Variants in ESRRB observed in about 807,000 individuals in gnomAD.
ESRRB encodes the protein steroid hormone receptor ERR2.
ESRRB carries 16 observed loss-of-function variants against 46.0 expected under a neutral mutation model. That is an observed-to-expected ratio of 0.35 (90% confidence interval 0.24 to 0.53). ESRRB has a LOEUF of 0.53. Ranked by LOEUF, ESRRB falls within the 20% of genes least tolerant of loss-of-function variation. The pLI, the probability that ESRRB is intolerant of heterozygous loss-of-function variation, is 0.93. For synonymous variants in ESRRB, 246 were observed against 259.6 expected, an observed-to-expected ratio of 0.95 and a Z score of 0.50; for missense variants, 488 against 607.4, an observed-to-expected ratio of 0.80 and a Z score of 2.07.
At chr14:76,348,291 G>T (rs1035537877) in intron 1 of ESRRB, among the ~76,000 whole-genome samples, 1 of 152,154 alleles carries the variant, frequency 6.6e-6, no homozygotes, top group Non-Finnish European at 1.5e-5. Context: ...CAGCCCTGTG[G>T]TGGGTGTCTG....
At chr14:76,323,543 C>T (rs1034077926) in intron 1 of ESRRB, among the ~76,000 whole-genome samples, 4 of 152,086 alleles carry the variant, frequency 2.6e-5, no homozygotes, top group South Asian at 4.1e-4. Flanking sequence ...CTCCTGGGCT[C>T]AAGCAATTCT....
chr14:76,370,578 T>C (rs1884599134), upstream of ESRRB, among the ~76,000 whole-genome samples: 1 of 152,194 alleles, frequency 6.6e-6, no homozygotes, highest in African/African-American at 2.4e-5. Flanking sequence ...CAATGCCTCT[T>C]AGCTACCAGG....
chr14:76,418,854 G>A (rs1886820353), intron 1 of ESRRB, among the ~76,000 whole-genome samples: 2 of 152,042 alleles, frequency 1.3e-5, no homozygotes, highest in Admixed American at 1.3e-4. Flanking sequence ...GGCCTCAAGT[G>A]ATCCGCCCAC....
At chr14:76,439,890 T>C in intron 2 of ESRRB, 140 bp downstream of exon 2, 1 of 920,042 alleles carries the variant, frequency 1.1e-6, no homozygotes, top group African/African-American at 1.7e-5. Flanking sequence ...GGGCGCCTTT[T>C]CCCTTGCTCA....
In ESRRB at chr14:76,499,902, A is replaced by G. The variant is rs772094589; in HGVS notation, c.*1444A>G. Reference sequence around the variant, plus strand: ...GCTTAGAGGATCTCCCAAGGATGAAAGAATGTCAAGCCATGATGGAAAATG... The same window carrying G: ...GCTTAGAGGATCTCCCAAGGATGAAGGAATGTCAAGCCATGATGGAAAATG... On this transcript the variant is annotated 3_prime_UTR_variant, in exon 7 of 7. Transcript: ENST00000644823. 3 of 1,614,212 alleles carry G rather than the reference A, an allele frequency of 1.9e-6. No homozygotes were observed. The highest frequency in any genetic ancestry group is 2.2e-5 in the South Asian group (2 of 91,074).
chr14:76,313,482 G>A (rs750052653), intron 1 of ESRRB, among the ~76,000 whole-genome samples: 3 of 151,990 alleles, frequency 2.0e-5, no homozygotes, highest in African/African-American at 2.4e-5. Context: ...TCCCCCCACC[G>A]CCCTCGAACA....
At position 76,332,662 on chromosome 14, in the gene ESRRB, TTA is replaced by T. The variant is rs1424226917; in HGVS notation, c.2+21754_2+21755del. Among the ~76,000 whole-genome samples the T allele has an allele frequency of 2.8e-4, 10 of 36,132 alleles. No homozygotes were observed. In the East Asian group the frequency reaches 6.4e-3, roughly 23 times the overall value. The allele number at this position is 36,132 out of a possible 152,430, so 23.7% of individuals were successfully genotyped here. ...TATTTATATATTATATAAATATATA[TTA>T]TATATATTTATATATTATATATTTA... is the stretch of plus-strand genomic sequence containing the variant. On this transcript the variant is annotated intron_variant, in intron 1 of 6. Transcript: ENST00000512784.
At chr14:76,440,247 A>G (rs1887864061) in intron 2 of ESRRB, among the ~76,000 whole-genome samples, 1 of 152,134 alleles carries the variant, frequency 6.6e-6, no homozygotes, top group African/African-American at 2.4e-5. Context: ...GCCAGAGGAT[A>G]GGTCAAGCCA....
chr14:76,430,574 G>T (rs921288652), intron 1 of ESRRB, among the ~76,000 whole-genome samples: 11 of 152,306 alleles, frequency 7.2e-5, no homozygotes, highest in African/African-American at 2.2e-4. Context: ...TCCACTGAGT[G>T]CCTGCTTGTC....
intron 3 of ESRRB, among the ~76,000 whole-genome samples, chr14:76,465,820 C>T (rs1053995109): frequency 4.6e-5 from 7 of 152,226 alleles, no homozygotes; most frequent in Admixed American, 2.0e-4. Context: ...GATCCAAGAG[C>T]GGGGAGATGA....
rs139685785 is a variant in ESRRB at position 76,356,396 on chromosome 14, A to G, written c.2+45480A>G. Reference sequence around the variant, plus strand: ...AGGAGGCTGGTACTCTCTCTCTCCCATTTTACAGATAAGGAGACTGCGACA... The same window carrying G: ...AGGAGGCTGGTACTCTCTCTCTCCCGTTTTACAGATAAGGAGACTGCGACA... On this transcript the variant is annotated intron_variant, in intron 1 of 6. Transcript: ENST00000512784. 2.4e-4 allele frequency among the ~76,000 whole-genome samples: 37 copies of G among 152,284 alleles called. No homozygotes were observed. In the East Asian group the frequency reaches 7.1e-3, roughly 29 times the overall value.
rs142296008 is a variant in ESRRB at position 76,399,132 on chromosome 14, G to A, written c.50+22681G>A. 6.7e-3 allele frequency among the ~76,000 whole-genome samples: 1,022 copies of A among 152,266 alleles called. 16 individuals carry two copies. The highest frequency in any genetic ancestry group is 0.023 in the African/African-American group (969 of 41,552). ...CAAACAGCAGATGTGGATGGTCTGG[G>A]AGGGAAGGTTCCTGTGGCTGTGTGA... On this transcript the variant is annotated intron_variant, in intron 1 of 6. Transcript: ENST00000644823.
At chr14:76,423,551 G>T (rs1887066202) in intron 1 of ESRRB, among the ~76,000 whole-genome samples, 1 of 152,150 alleles carries the variant, frequency 6.6e-6, no homozygotes, top group Admixed American at 6.5e-5. Flanking sequence ...GGCTCTGTGG[G>T]TTCTGCTCCT....
intron 5 of ESRRB, among the ~76,000 whole-genome samples, chr14:76,486,445 C>A (rs908805466): frequency 1.3e-5 from 2 of 152,210 alleles, no homozygotes; most frequent in Admixed American, 1.3e-4. Flanking sequence ...TCTGAAGTGG[C>A]CCCAGATCCT....
intron 5 of ESRRB, among the ~76,000 whole-genome samples, chr14:76,483,142 T>C (rs1233170724): frequency 6.6e-6 from 1 of 152,192 alleles, no homozygotes; most frequent in Non-Finnish European, 1.5e-5. Context: ...ACTGACCCTC[T>C]CTTCCTATTG....
chr14:76,321,419 G>A (rs540302186), intron 1 of ESRRB, among the ~76,000 whole-genome samples: 1 of 152,260 alleles, frequency 6.6e-6, no homozygotes, highest in African/African-American at 2.4e-5. Context: ...TCACACTGGG[G>A]TTGAACCATA....
intron 1 of ESRRB, among the ~76,000 whole-genome samples, chr14:76,351,906 G>A (rs113617822): frequency 0.015 from 2,263 of 149,580 alleles, 52 homozygotes; most frequent in African/African-American, 0.053. Flanking sequence ...GATCACTGGG[G>A]CCCAGGAGTT....
intron 5 of ESRRB, among the ~76,000 whole-genome samples, chr14:76,484,356 C>T (rs994424588): frequency 4.6e-5 from 7 of 152,084 alleles, no homozygotes; most frequent in African/African-American, 1.7e-4. Context: ...TACTAAGGAG[C>T]TCAACCTCTC....
rs74760195 is a variant in ESRRB, at chr14:76,398,080, C to T, written c.50+21629C>T. Reference sequence around the variant, plus strand: ...TTTAAACATGGGGCAGTGCCTCCTACGCCAGCTTGTGCTTTGTTGGAAAAT... The same window carrying T: ...TTTAAACATGGGGCAGTGCCTCCTATGCCAGCTTGTGCTTTGTTGGAAAAT... On this transcript the variant is annotated intron_variant, in intron 1 of 6. Coordinates refer to ENST00000644823, the MANE Select transcript of ESRRB (RefSeq NM_001379180.1). 3.8e-3 allele frequency among the ~76,000 whole-genome samples: 577 copies of T among 152,340 alleles called. 1 individual carries two copies. Among genetic ancestry groups the T allele is most frequent in the Non-Finnish European group, 6.5e-3 (443 of 68,036 alleles).
Sources: gnomAD v4.1 joint callset for allele counts (sites outside exome capture counted in the v4.1 genomes callset) on GRCh38, gnomAD v4.1.1 for gene constraint, MANE v1.5 for transcripts, NCBI Gene and HGNC (gene_info 2026-07-23, HGNC 2026-07-21) for gene names.